AKAIN1: variants seen among roughly 807,000 people sequenced by gnomAD.
AKAIN1 encodes the protein A-kinase anchor inhibitor 1, also known as A-kinase anchor protein inhibitor 1.
A neutral mutation model predicts 3.7 loss-of-function variants in AKAIN1; 3 were observed. The ratio of observed to expected loss-of-function variants is 0.82; its 90% CI spans 0.37 to 2.12. The LOEUF is 2.12. Ranked by LOEUF, AKAIN1 falls within the 30% of genes most tolerant of loss-of-function variation. The probability of loss-of-function intolerance (pLI) is 0.06; values close to 1 mark genes in which losing one functional copy is unlikely to be tolerated. For missense variants in AKAIN1, 82 were observed against 82.7 expected (o/e 0.99, Z 0.03); for synonymous variants, 31 against 30.8 (o/e 1.01, Z -0.02).
intron 1 of AKAIN1, among the ~76,000 whole-genome samples, chr18:5,165,921 A>G (rs1459708184): frequency 6.6e-6 from 1 of 152,054 alleles, no homozygotes; most frequent in East Asian, 1.9e-4. Context: ...GCTTGCAGCA[A>G]GCCTCAACAC....
chr18:5,154,563 G>A (rs1391591789), intron 1 of AKAIN1, among the ~76,000 whole-genome samples: 1 of 151,976 alleles, frequency 6.6e-6, no homozygotes, highest in Admixed American at 6.6e-5. Context: ...GAAATCCTAA[G>A]CCTCCCCCAA....
At chr18:5,172,964 T>C (rs908916888) in intron 1 of AKAIN1, among the ~76,000 whole-genome samples, 2 of 152,108 alleles carry the variant, frequency 1.3e-5, no homozygotes, top group African/African-American at 4.8e-5. Flanking sequence ...TGGTTAAAAA[T>C]CTTATTTAAA....
chr18:5,152,354 A>G (rs551328657), intron 1 of AKAIN1, among the ~76,000 whole-genome samples: 2 of 152,198 alleles, frequency 1.3e-5, no homozygotes, highest in Non-Finnish European at 2.9e-5. Context: ...CAGGATCGGT[A>G]TGAGAATGCA....
chr18:5,190,802 A>G (rs995665691), intron 1 of AKAIN1, among the ~76,000 whole-genome samples: 3 of 152,078 alleles, frequency 2.0e-5, no homozygotes, highest in African/African-American at 7.2e-5. Context: ...GAAAGAGATA[A>G]TATCTCTCAT....
intron 1 of AKAIN1, among the ~76,000 whole-genome samples, chr18:5,193,420 A>T (rs1228584104): frequency 6.6e-6 from 1 of 152,188 alleles, no homozygotes; most frequent in Non-Finnish European, 1.5e-5. Context: ...TTAATCATGA[A>T]AGAAAGTGGG....
chr18:5,160,957 A>C (rs1433014509), intron 1 of AKAIN1, among the ~76,000 whole-genome samples: 1 of 151,546 alleles, frequency 6.6e-6, no homozygotes, highest in African/African-American at 2.4e-5. Flanking sequence ...GTACTTTATA[A>C]GCCTTAACAT....
intron 1 of AKAIN1, among the ~76,000 whole-genome samples, chr18:5,192,083 G>T (rs1346642208): frequency 1.3e-5 from 2 of 152,160 alleles, no homozygotes; most frequent in Admixed American, 1.3e-4. Flanking sequence ...AGATTTTGGA[G>T]TATTTTGGAT....
chr18:5,176,048 C>A (rs182088583), intron 1 of AKAIN1, among the ~76,000 whole-genome samples: 1 of 152,108 alleles, frequency 6.6e-6, no homozygotes, highest in Non-Finnish European at 1.5e-5. Context: ...TGTCCCCAGA[C>A]ATTGCCAAAT....
At chr18:5,191,407 C>A (rs532223005) in intron 1 of AKAIN1, among the ~76,000 whole-genome samples, 1 of 151,964 alleles carries the variant, frequency 6.6e-6, no homozygotes, top group African/African-American at 2.4e-5. Context: ...ACAATAGCTC[C>A]CCCCAAAAGA....
intron 1 of AKAIN1, among the ~76,000 whole-genome samples, chr18:5,171,692 A>C (rs1330189605): frequency 6.6e-6 from 1 of 152,148 alleles, no homozygotes; most frequent in Non-Finnish European, 1.5e-5. Context: ...GGCAATAACA[A>C]ATGCTGGCAA....
intron 1 of AKAIN1, among the ~76,000 whole-genome samples, chr18:5,193,950 A>G (rs955379300): frequency 1.3e-5 from 2 of 151,924 alleles, no homozygotes. Flanking sequence ...GCTTTCTCAT[A>G]TTGCTTTTGA....
At chr18:5,188,972 C>T (rs1045156013) in intron 1 of AKAIN1, among the ~76,000 whole-genome samples, 1 of 152,154 alleles carries the variant, frequency 6.6e-6, no homozygotes, top group Admixed American at 6.5e-5. Context: ...TGCATGCCTT[C>T]ACAGCTTTTG....
intron 1 of AKAIN1, among the ~76,000 whole-genome samples, chr18:5,183,227 T>C (rs1287215060): frequency 1.3e-5 from 2 of 151,866 alleles, no homozygotes. Context: ...AAATTAAGAG[T>C]ACATTGAGTA....
At chr18:5,181,257 A>G (rs1024391838) in intron 1 of AKAIN1, among the ~76,000 whole-genome samples, 7 of 152,102 alleles carry the variant, frequency 4.6e-5, no homozygotes, top group African/African-American at 1.7e-4. Context: ...GCACCACTGC[A>G]CTCCTGCCTG....
intron 1 of AKAIN1, among the ~76,000 whole-genome samples, chr18:5,183,173 C>T (rs2071268631): frequency 6.6e-6 from 1 of 151,764 alleles, no homozygotes; most frequent in Admixed American, 6.6e-5. Context: ...TGCTCTATGT[C>T]TTTTTTAAAA....
chr18:5,181,810 A>C (rs1300966582), intron 1 of AKAIN1, among the ~76,000 whole-genome samples: 2 of 152,258 alleles, frequency 1.3e-5, no homozygotes, highest in East Asian at 3.9e-4. Context: ...TGATCAAAGA[A>C]TAGTATCCAG....
chr18:5,189,773 C>A (rs2071309092), intron 1 of AKAIN1, among the ~76,000 whole-genome samples: 1 of 151,090 alleles, frequency 6.6e-6, no homozygotes, highest in African/African-American at 2.4e-5. Context: ...TTTTTCTGAG[C>A]CCCCACAAGA....
chr18:5,189,105 A>G (rs1352012671), intron 1 of AKAIN1, among the ~76,000 whole-genome samples: 2 of 152,164 alleles, frequency 1.3e-5, no homozygotes, highest in East Asian at 3.9e-4. Flanking sequence ...GCAGCCAAGG[A>G]GAGTTATGCT....
At chr18:5,192,282 C>T (rs888224534) in intron 1 of AKAIN1, among the ~76,000 whole-genome samples, 1 of 152,236 alleles carries the variant, frequency 6.6e-6, no homozygotes, top group African/African-American at 2.4e-5. Flanking sequence ...GTTCTGTCTT[C>T]CAGTCTGGAG....
Sources: allele counts gnomAD v4.1 joint callset (sites outside exome capture counted in the v4.1 genomes callset), GRCh38; gene constraint gnomAD v4.1.1; transcripts MANE v1.5; gene names NCBI Gene and HGNC (gene_info 2026-07-23, HGNC 2026-07-21).